Variants in SLC12A3 observed in about 807,000 individuals in gnomAD.
SLC12A3 encodes Na-Cl cotransporter.
Under a neutral mutation model 121.0 loss-of-function variants are expected in SLC12A3, and 104 were observed. The ratio of observed to expected loss-of-function variants is 0.86; its 90% CI spans 0.73 to 1.01. The LOEUF (loss-of-function observed/expected upper bound fraction) is 1.01, where lower values mean the gene tolerates loss of function less well. Ranked by LOEUF, SLC12A3 falls within the 50% of genes least tolerant of loss-of-function variation. The pLI is 0.00. For missense variants in SLC12A3, 1,328 were observed against 1,356.3 expected (o/e 0.98, Z 0.33); for synonymous variants, 536 against 533.4 (o/e 1.00, Z -0.07).
intron 22 of SLC12A3, among the ~76,000 whole-genome samples, chr16:56,895,456 A>T (rs910794281): frequency 6.6e-6 from 1 of 150,608 alleles, no homozygotes; most frequent in Non-Finnish European, 1.5e-5. Flanking sequence ...AGCCTCCCAA[A>T]GTGCTGGGAT....
intron 22 of SLC12A3, among the ~76,000 whole-genome samples, chr16:56,899,066 G>A (rs1196390677): frequency 1.3e-5 from 2 of 152,138 alleles, no homozygotes; most frequent in Admixed American, 6.5e-5. Flanking sequence ...TTACTTTTCC[G>A]TTTCACTTGT....
At chr16:56,902,531 G>GGGGGGGGGGGGGCCCC in intron 24 of SLC12A3, 23 bp downstream of exon 24, 2 of 714,560 alleles carry the variant, frequency 2.8e-6, no homozygotes, top group Non-Finnish European at 4.8e-6. Flanking sequence ...GTGGGGGTGG[G>GGGGGGGGGGGGGCCCC]AAACGCGACA....
At chr16:56,884,563 T>C (rs556510827) in intron 14 of SLC12A3, among the ~76,000 whole-genome samples, 1 of 152,166 alleles carries the variant, frequency 6.6e-6, no homozygotes, top group East Asian at 1.9e-4. Context: ...GAGGGCTGGT[T>C]GTGTGGATGG....
At chr16:56,910,481 C>T (rs2055671084) in intron 25 of SLC12A3, among the ~76,000 whole-genome samples, 1 of 152,112 alleles carries the variant, frequency 6.6e-6, no homozygotes, top group African/African-American at 2.4e-5. Flanking sequence ...GGACTACAGG[C>T]ACATACCACC....
Position 56,865,275 on chromosome 16 carries a change from A to T in SLC12A3, c.40A>T (p.Thr14Ser), listed in dbSNP as rs1964322979. ...CACAACAGAGACGCCTGGGGACGCC[A>T]CTTTGTGCAGCGGGCGCTTCACCAT... ...LPTTETPGDA[T>S]LCSGRFTIST... Residue 14 changes from threonine to serine, a missense_variant, in exon 1 of 26, where the codon ACT (threonine) becomes TCT (serine). By Grantham distance (58) the Thr-to-Ser change is moderately conservative. Transcript: ENST00000563236. 6.2e-6 allele frequency: 10 copies of T among 1,613,916 alleles called. No individual in the cohort carries two copies. Among genetic ancestry groups the T allele is most frequent in the Non-Finnish European group, 8.5e-6 (10 of 1,180,038 alleles).
chr16:56,908,563 G>A (rs711750), intron 25 of SLC12A3, among the ~76,000 whole-genome samples: 5,370 of 152,312 alleles, frequency 0.035, 342 homozygotes, highest in African/African-American at 0.12. Flanking sequence ...AAGACGGTGA[G>A]AGCAGGGCAT....
In SLC12A3 at chr16:56,872,693, G is replaced by A. The variant is rs146318329; in HGVS notation, c.1002G>A (p.Arg334=). ...IFVQNLVPDW[R]GPDGTFFGMF... Reference sequence around the variant, plus strand: ...TCCAGAACTTGGTGCCTGACTGGCGGGGTCCAGATGGCACCTTCTTCGGAA... The same window carrying A: ...TCCAGAACTTGGTGCCTGACTGGCGAGGTCCAGATGGCACCTTCTTCGGAA... The change falls in exon 8 of 26, where the codon CGG becomes CGA. Residue 334 remains arginine (R), a synonymous_variant. Transcript: ENST00000563236. 1.6e-4 allele frequency: 264 copies of A among 1,614,260 alleles called. No individual in the cohort carries two copies. In the African/African-American group the frequency reaches 3.0e-3, roughly 18 times the overall value.
rs1567450372 is a variant in SLC12A3 at position 56,908,868 on chromosome 16, C to G, written c.2925-4396C>G. ...GAAATGGCTTTGTCCTGGGACGCCT[C>G]CCCAGACTCTTCCTTGGGTATGGTG... On this transcript the variant is annotated intron_variant, in intron 25 of 25. Coordinates refer to ENST00000563236, the MANE Select transcript of SLC12A3 (RefSeq NM_001126108.2). Among the ~76,000 whole-genome samples the G allele has an allele frequency of 2.6e-5, 4 of 152,300 alleles. No homozygotes were observed. In the South Asian group the frequency reaches 8.3e-4, roughly 32 times the overall value.
At chr16:56,867,019 C>A in intron 1 of SLC12A3, 51 bp from the exon 2 acceptor site, 2 of 1,601,138 alleles carry the variant, frequency 1.2e-6, no homozygotes, top group Non-Finnish European at 1.7e-6. Context: ...GATGCAGAGA[C>A]GCCGTCCCTA....
intron 12 of SLC12A3, among the ~76,000 whole-genome samples, chr16:56,881,092 T>C (rs1289928611): frequency 6.6e-6 from 1 of 151,018 alleles, no homozygotes; most frequent in Non-Finnish European, 1.5e-5. Flanking sequence ...GTGGCCATGC[T>C]GCAACATGAT....
intron 24 of SLC12A3, 23 bp downstream of exon 24, chr16:56,902,531 G>GTGGGGGGGGGGGGCC: frequency 1.4e-6 from 1 of 714,568 alleles, no homozygotes; most frequent in Non-Finnish European, 2.4e-6. Flanking sequence ...GTGGGGGTGG[G>GTGGGGGGGGGGGGCC]AAACGCGACA....
chr16:56,882,659 C>T (rs1021407084), intron 13 of SLC12A3, among the ~76,000 whole-genome samples, 162 bp downstream of exon 13: 2 of 151,562 alleles, frequency 1.3e-5, no homozygotes, highest in African/African-American at 2.4e-5. Flanking sequence ...TAGCAGCTCT[C>T]GGCTGGGCTC....
chr16:56,887,804 T>A (rs1315905203), intron 17 of SLC12A3, 121 bp from the exon 18 acceptor site: 145 of 117,618 alleles, frequency 1.2e-3, no homozygotes, highest in Middle Eastern at 7.9e-3. Flanking sequence ...ATATATTTTT[T>A]TTTTTTTTTT....
Position 56,887,066 on chromosome 16 carries a change from C to G in SLC12A3, c.2151C>G (p.Leu717=). ...ACTCGGATGTCATTGCCGAGGACCT[C>G]CGCAGAGGCGTCCAGATCCTCATGC... is the stretch of plus-strand genomic sequence containing the variant. The part of the protein sequence containing the change: ...AFYSDVIAED[L]RRGVQILMQA... The change falls in exon 17 of 26, where the codon CTC becomes CTG. Residue 717 remains leucine (L), a synonymous_variant. Coordinates refer to ENST00000563236, the MANE Select transcript of SLC12A3 (RefSeq NM_001126108.2). The G allele has an allele frequency of 6.2e-7, 1 of 1,614,044 alleles. No homozygotes were observed. The highest frequency in any genetic ancestry group is 8.5e-7 in the Non-Finnish European group (1 of 1,180,038).
chr16:56,903,107 C>T (rs918063800), intron 24 of SLC12A3, among the ~76,000 whole-genome samples: 1 of 151,722 alleles, frequency 6.6e-6, no homozygotes, highest in Non-Finnish European at 1.5e-5. Context: ...CAAGATTGTG[C>T]CATTGCACTC....
In SLC12A3 at chr16:56,879,533, T is replaced by C. The variant is rs1214641589; in HGVS notation, c.1336-9T>C. Reference sequence around the variant, plus strand: ...CACCGTGGAGTCCCTGAGCCCCAAATCCCCACAGACCATGAGCATGGTGTC... The same window carrying C: ...CACCGTGGAGTCCCTGAGCCCCAAACCCCCACAGACCATGAGCATGGTGTC... On this transcript the variant is annotated splice_polypyrimidine_tract_variant and intron_variant, in intron 10 of 25. Transcript: ENST00000563236. The C allele has an allele frequency of 5.6e-6, 9 of 1,611,034 alleles. No individual in the cohort carries two copies. Among genetic ancestry groups the C allele is most frequent in the Non-Finnish European group, 7.6e-6 (9 of 1,177,762 alleles).
intron 25 of SLC12A3, among the ~76,000 whole-genome samples, chr16:56,912,160 C>T (rs955513): frequency 0.55 from 83,457 of 152,086 alleles, 23,214 homozygotes; most frequent in African/African-American, 0.61. Flanking sequence ...AAAACAGACA[C>T]TCAAGTGAGT....
chr16:56,883,980 C>A, intron 13 of SLC12A3, 69 bp from the exon 14 acceptor site: 1 of 1,569,990 alleles, frequency 6.4e-7, no homozygotes. Context: ...CCAGGCCCTG[C>A]CCAGCAGCTC....
intron 22 of SLC12A3, among the ~76,000 whole-genome samples, chr16:56,897,457 C>T (rs1384702628): frequency 2.6e-5 from 4 of 152,240 alleles, no homozygotes; most frequent in African/African-American, 9.6e-5. Context: ...GTGCTCCATT[C>T]TCTATCACCC....
Sources: gnomAD v4.1 joint callset for allele counts (sites outside exome capture counted in the v4.1 genomes callset) on GRCh38, gnomAD v4.1.1 for gene constraint, MANE v1.5 for transcripts, NCBI Gene and HGNC (gene_info 2026-07-23, HGNC 2026-07-21) for gene names.